Variants in MYO10 observed in about 807,000 individuals in gnomAD.
The protein encoded by MYO10 is unconventional myosin-X.
Under a neutral mutation model 257.3 loss-of-function variants are expected in MYO10, and 133 were observed. The ratio of observed to expected loss-of-function variants is 0.52; its 90% CI spans 0.45 to 0.60. The LOEUF is 0.60. Ranked by LOEUF, MYO10 falls within the 20% of genes least tolerant of loss-of-function variation. MYO10 has a pLI of 0.00. For missense variants in MYO10, 2,399 were observed against 2,635.7 expected, an observed-to-expected ratio of 0.91 and a Z score of 1.97; for synonymous variants, 1,104 against 1,028.6, an observed-to-expected ratio of 1.07 and a Z score of -1.40.
chr5:16,870,843 G>C (rs1744437836), intron 2 of MYO10, among the ~76,000 whole-genome samples: 1 of 152,150 alleles, frequency 6.6e-6, no homozygotes, highest in South Asian at 2.1e-4. Context: ...AGTAAGCCGA[G>C]ATCGCGCCAT....
At chr5:16,831,548 G>T (rs1743162694) in intron 2 of MYO10, among the ~76,000 whole-genome samples, 1 of 150,854 alleles carries the variant, frequency 6.6e-6, no homozygotes, top group African/African-American at 2.4e-5. Flanking sequence ...GCCATAAAAA[G>T]GAATGAATTA....
intron 26 of MYO10, 54 bp from the exon 27 acceptor site, chr5:16,694,668 G>A (rs1737656469): frequency 1.2e-6 from 2 of 1,600,018 alleles, no homozygotes; most frequent in Non-Finnish European, 1.7e-6. Flanking sequence ...AGTCAAGTTG[G>A]ATGACAACAA....
intron 1 of MYO10, among the ~76,000 whole-genome samples, chr5:16,918,196 G>A (rs78674342): frequency 0.013 from 1,943 of 152,258 alleles, 39 homozygotes; most frequent in African/African-American, 0.045. Flanking sequence ...CAAGTTTAAT[G>A]GGTAAGGAAG....
At chr5:16,694,266 G>A (rs2126530265) in intron 27 of MYO10, 105 bp downstream of exon 27, 4 of 1,532,926 alleles carry the variant, frequency 2.6e-6, no homozygotes, top group Non-Finnish European at 3.5e-6. Flanking sequence ...CAGGACACCT[G>A]CTACAGGCTA....
Position 16,677,846 on chromosome 5 carries a change from T to C in MYO10, c.4543-1692A>G, listed in dbSNP as rs548598667. 2.6e-5 allele frequency among the ~76,000 whole-genome samples: 4 copies of C among 151,548 alleles called. No individual in the cohort carries two copies. The East Asian group carries it at 5.9e-4, about 22-fold the overall frequency. On this transcript the variant is annotated intron_variant, in intron 33 of 40. Transcript: ENST00000513610. The stretch of plus-strand genomic sequence containing the variant: ...CGTGATCTCGGCTCACTGCAACCTC[T>C]GCATCCTGGGTTCAAGCGAGTCTTC...
intron 3 of MYO10, among the ~76,000 whole-genome samples, chr5:16,801,926 T>C (rs1176560182): frequency 2.0e-5 from 3 of 152,154 alleles, no homozygotes; most frequent in Non-Finnish European, 4.4e-5. Flanking sequence ...GGCACATCCA[T>C]ACAACGGAAT....
chr5:16,869,512 T>C (rs1026684859), intron 2 of MYO10, among the ~76,000 whole-genome samples: 1 of 151,948 alleles, frequency 6.6e-6, no homozygotes, highest in South Asian at 2.1e-4. Context: ...GGAGTTACAA[T>C]GAGCTACGAC....
intron 2 of MYO10, among the ~76,000 whole-genome samples, chr5:16,852,576 G>C (rs1230082677): frequency 6.6e-6 from 1 of 151,586 alleles, no homozygotes; most frequent in African/African-American, 2.4e-5. Context: ...ACTACTCAAG[G>C]GTTCGTCTGT....
At chr5:16,696,683 C>T (rs994080939) in intron 26 of MYO10, among the ~76,000 whole-genome samples, 4 of 133,806 alleles carry the variant, frequency 3.0e-5, no homozygotes, top group African/African-American at 1.1e-4. Context: ...TGGTGAAACC[C>T]CGTCTCTACT....
At chr5:16,801,829 C>T (rs752555769) in intron 3 of MYO10, among the ~76,000 whole-genome samples, 2 of 151,906 alleles carry the variant, frequency 1.3e-5, no homozygotes, top group Non-Finnish European at 2.9e-5. Flanking sequence ...CTTTTTATAC[C>T]ATGTATAAAA....
intron 1 of MYO10, among the ~76,000 whole-genome samples, chr5:16,905,924 T>A (rs988392675): frequency 6.6e-6 from 1 of 152,014 alleles, no homozygotes; most frequent in Admixed American, 6.6e-5. Context: ...TAAGTCCAAT[T>A]TCCTGTTCCC....
intron 1 of MYO10, among the ~76,000 whole-genome samples, chr5:16,926,506 A>C (rs1580159281): frequency 6.6e-6 from 1 of 152,304 alleles, no homozygotes; most frequent in East Asian, 1.9e-4. Context: ...GCTTCAGATC[A>C]GCCTGGCCAA....
chr5:16,790,925 AC>A (rs1375426608), intron 4 of MYO10, among the ~76,000 whole-genome samples: 4 of 151,550 alleles, frequency 2.6e-5, no homozygotes, highest in Admixed American at 6.6e-5. Flanking sequence ...ACACACACAC[AC>A]ACATATATTC....
chr5:16,818,971 T>C (rs941250870), intron 2 of MYO10, among the ~76,000 whole-genome samples: 1 of 152,190 alleles, frequency 6.6e-6, no homozygotes, highest in African/African-American at 2.4e-5. Flanking sequence ...TTGAATCACA[T>C]AATTTCAAAG....
In MYO10 at chr5:16,827,263, CTA is replaced by C. The variant is rs370284063; in HGVS notation, c.121-9098_121-9097del. ...TGTCAGAGATTTGGCACTCTAGTTACTATAGCCTAGGGGTTAACATTATCTTT... is the reference window on the plus strand; with the variant it reads ...TGTCAGAGATTTGGCACTCTAGTTACTAGCCTAGGGGTTAACATTATCTTT... On this transcript the variant is annotated intron_variant, in intron 2 of 40. Transcript: ENST00000513610. Among the ~76,000 whole-genome samples, 51 of 152,262 alleles carry C rather than the reference CTA, an allele frequency of 3.3e-4. No individual in the cohort carries two copies. The Middle Eastern group carries it at 0.01, about 30-fold the overall frequency.
At chr5:16,838,497 A>C (rs1474497147) in intron 2 of MYO10, among the ~76,000 whole-genome samples, 1 of 152,208 alleles carries the variant, frequency 6.6e-6, no homozygotes, top group Admixed American at 6.5e-5. Context: ...AAAAGTCTGG[A>C]GCCAGCACAG....
At chr5:16,866,746 A>C (rs1294045109) in intron 2 of MYO10, among the ~76,000 whole-genome samples, 1 of 152,126 alleles carries the variant, frequency 6.6e-6, no homozygotes, top group East Asian at 1.9e-4. Flanking sequence ...GACTGAAAAG[A>C]ATCTAACCCT....
At chr5:16,700,362 TAAAC>T (rs1737987170) in intron 25 of MYO10, among the ~76,000 whole-genome samples, 1 of 152,046 alleles carries the variant, frequency 6.6e-6, no homozygotes, top group African/African-American at 2.4e-5. Context: ...TAAAATAAAA[TAAAC>T]AAAAGTTCCA....
intron 34 of MYO10, among the ~76,000 whole-genome samples, chr5:16,675,607 G>A (rs902145237): frequency 2.0e-5 from 3 of 152,008 alleles, no homozygotes; most frequent in Admixed American, 6.6e-5. Flanking sequence ...ATGTGGTGGC[G>A]GGTGCTTGTA....
Sources: allele counts gnomAD v4.1 joint callset (sites outside exome capture counted in the v4.1 genomes callset), GRCh38; gene constraint gnomAD v4.1.1; transcripts MANE v1.5; gene names NCBI Gene and HGNC (gene_info 2026-07-23, HGNC 2026-07-21).